The following HERC2 variants were observed in gnomAD, a reference collection of about 807,000 sequenced individuals.
HERC2 encodes HECT and RLD domain containing E3 ubiquitin protein ligase 2, also known as E3 ubiquitin-protein ligase HERC2.
In HERC2, 102 loss-of-function variants were observed where a neutral mutation model predicts 537.7. That is an observed-to-expected ratio of 0.19 (90% CI 0.16 to 0.22). The LOEUF (loss-of-function observed/expected upper bound fraction) is 0.22, where lower values mean the gene tolerates loss of function less well. Ranked by LOEUF, HERC2 falls within the 10% of genes least tolerant of loss-of-function variation. The probability of loss-of-function intolerance (pLI) is 1.00; values close to 1 mark genes in which losing one functional copy is unlikely to be tolerated. For synonymous variants in HERC2, 2,224 were observed against 2,466.2 expected, an observed-to-expected ratio of 0.90 and a Z score of 2.91; for missense variants, 4,236 against 6,198.2, an observed-to-expected ratio of 0.68 and a Z score of 10.63.
chr15:28,287,843 C>T (rs1407432188), intron 4 of HERC2, among the ~76,000 whole-genome samples: 13 of 151,156 alleles, frequency 8.6e-5, no homozygotes, highest in Admixed American at 4.0e-4. Flanking sequence ...CCTGCCTGAG[C>T]TTCCCGAGTA....
chr15:28,206,832 CAAAAAAAA>C (rs71132838), intron 44 of HERC2, among the ~76,000 whole-genome samples: 20 of 51,448 alleles, frequency 3.9e-4, no homozygotes, highest in Non-Finnish European at 5.0e-4. Context: ...GACTCGGTCT[CAAAAAAAA>C]AAAAAAAAAA....
At position 28,275,022 on chromosome 15, in the gene HERC2, C is replaced by G. The variant is rs376124795; in HGVS notation, c.543-17G>C. On this transcript the variant is annotated splice_polypyrimidine_tract_variant and intron_variant, in intron 5 of 92. Transcript: ENST00000261609. Reference sequence around the variant, plus strand: ...GGCCGGGAACTGCAGACGACACACACGGAACATACAACCAGTCAGCAGCAG... The same window carrying G: ...GGCCGGGAACTGCAGACGACACACAGGGAACATACAACCAGTCAGCAGCAG... 6.5e-7 allele frequency: 1 copy of G among 1,548,492 alleles called. No homozygotes were observed. Among genetic ancestry groups the G allele is most frequent in the South Asian group, 1.1e-5 (1 of 89,922 alleles).
chr15:28,314,047 CTCT>C, intron 2 of HERC2, among the ~76,000 whole-genome samples: 1 of 152,172 alleles, frequency 6.6e-6, no homozygotes, highest in South Asian at 2.1e-4. Context: ...GTTTCGCATT[CTCT>C]CAATTTCCAA....
chr15:28,276,303 C>T (rs2075872699), intron 5 of HERC2, among the ~76,000 whole-genome samples: 1 of 150,364 alleles, frequency 6.7e-6, no homozygotes, highest in African/African-American at 2.5e-5. Context: ...GGCAACAGTA[C>T]ACGCTTATCC....
intron 14 of HERC2, among the ~76,000 whole-genome samples, chr15:28,263,734 A>T (rs1412261654): frequency 6.6e-6 from 1 of 152,206 alleles, no homozygotes; most frequent in South Asian, 2.1e-4. Context: ...TGAATTGCTA[A>T]AAAACAGAAT....
chr15:28,295,946 G>A (rs1389774166), intron 3 of HERC2, among the ~76,000 whole-genome samples: 1 of 151,822 alleles, frequency 6.6e-6, no homozygotes. Context: ...GCCCTTTACA[G>A]AAAGTAGGCC....
At chr15:28,295,664 C>A (rs1444136634) in intron 3 of HERC2, among the ~76,000 whole-genome samples, 1 of 152,128 alleles carries the variant, frequency 6.6e-6, no homozygotes, top group Non-Finnish European at 1.5e-5. Flanking sequence ...TCCAAAAGTG[C>A]TGGGATTACA....
chr15:28,148,699 AACCGAGAACATC>A (rs572114373), intron 70 of HERC2, among the ~76,000 whole-genome samples: 259 of 152,104 alleles, frequency 1.7e-3, no homozygotes, highest in Admixed American at 4.2e-3. Flanking sequence ...TGCGGCTTCT[AACCGAGAACATC>A]ACCGAGAACG....
chr15:28,298,648 T>C (rs536430313), intron 3 of HERC2: 2 of 151,474 alleles, frequency 1.3e-5, no homozygotes, highest in African/African-American at 2.4e-5. Context: ...TACAAAAAAT[T>C]AGCCGGGCGT....
chr15:28,239,008 A>C (rs1200577556), intron 23 of HERC2, among the ~76,000 whole-genome samples: 1 of 152,260 alleles, frequency 6.6e-6, no homozygotes, highest in African/African-American at 2.4e-5. Flanking sequence ...GCCACAGAGC[A>C]AATCTCAACA....
At chr15:28,287,851 G>T (rs2076202013) in intron 4 of HERC2, among the ~76,000 whole-genome samples, 1 of 151,404 alleles carries the variant, frequency 6.6e-6, no homozygotes, top group Non-Finnish European at 1.5e-5. Flanking sequence ...AGCTTCCCGA[G>T]TAGCTGGGAC....
intron 44 of HERC2, among the ~76,000 whole-genome samples, chr15:28,209,541 C>T (rs1181094802): frequency 1.3e-5 from 2 of 152,110 alleles, no homozygotes; most frequent in African/African-American, 4.8e-5. Flanking sequence ...GATGGAGTTT[C>T]ACCGTGTTAG....
At chr15:28,199,967 TC>T (rs981193484) in intron 48 of HERC2, among the ~76,000 whole-genome samples, 1 of 151,418 alleles carries the variant, frequency 6.6e-6, no homozygotes, top group Non-Finnish European at 1.5e-5. Flanking sequence ...AATGTTTGTG[TC>T]CCCCCCACCA....
chr15:28,295,974 G>C (rs2076458625), intron 3 of HERC2, among the ~76,000 whole-genome samples: 1 of 150,916 alleles, frequency 6.6e-6, no homozygotes, highest in Admixed American at 6.6e-5. Flanking sequence ...CCCTACATCT[G>C]GCTATAAATT....
At chr15:28,256,505 C>CT (rs1400616821) in intron 17 of HERC2, among the ~76,000 whole-genome samples, 188 bp from the exon 18 acceptor site, 2 of 152,118 alleles carry the variant, frequency 1.3e-5, no homozygotes, top group Non-Finnish European at 2.9e-5. Context: ...CTAGAGGAAT[C>CT]TTTTTAACCC....
intron 20 of HERC2, among the ~76,000 whole-genome samples, chr15:28,249,762 T>C (rs1904093870): frequency 6.6e-6 from 1 of 151,366 alleles, no homozygotes; most frequent in Non-Finnish European, 1.5e-5. Context: ...TTCTCCTGCC[T>C]CAGCCTCCCG....
chr15:28,296,946 A>G lies in HERC2; in HGVS notation c.187+2456T>C, dbSNP rs752946625. ...CAAGGCAGTGGAAGCCAGTGATGCAACTGCTCTCTCGTTAAAAGGTGTGGT... is the reference window on the plus strand; with the variant it reads ...CAAGGCAGTGGAAGCCAGTGATGCAGCTGCTCTCTCGTTAAAAGGTGTGGT... On this transcript the variant is annotated intron_variant, in intron 3 of 92. Transcript: ENST00000261609. Among the ~76,000 whole-genome samples the G allele has an allele frequency of 1.3e-4, 20 of 152,118 alleles. 1 individual carries two copies. Among genetic ancestry groups the G allele is most frequent in the Admixed American group, 1.2e-3 (19 of 15,264 alleles).
rs756516769 is a variant in HERC2 at position 28,191,205 on chromosome 15, G to A, written c.8491C>T (p.His2831Tyr). The A allele has an allele frequency of 1.2e-6, 2 of 1,613,746 alleles. No individual in the cohort carries two copies. The highest frequency in any genetic ancestry group is 3.3e-5 in the Admixed American group (2 of 59,982). ...GGATCTACGATCATTTTTAATCTATGAACAAGAACATCTGGGAAAATCTCC... is the reference window on the plus strand; with the variant it reads ...GGATCTACGATCATTTTTAATCTATAAACAAGAACATCTGGGAAAATCTCC... ...RLEIFPDVLVHRLKMIVDPAD... is the reference protein window; with the variant it reads ...RLEIFPDVLVYRLKMIVDPAD... Residue 2831 changes from histidine (H) to tyrosine (Y), a missense_variant, in exon 54 of 93, where the codon CAT becomes TAT. By Grantham distance (83) the His-to-Tyr change is moderately conservative. Around this residue, in one of 27 missense-constraint regions of HERC2, gnomAD observed 606 missense variants for 884.5 expected, o/e 0.69. Transcript: ENST00000261609.
chr15:28,295,777 C>T (rs1190922227), intron 3 of HERC2, among the ~76,000 whole-genome samples: 1 of 152,086 alleles, frequency 6.6e-6, no homozygotes, highest in Admixed American at 6.6e-5. Context: ...ATTCTGTGGA[C>T]TTCATCTTTT....
Sources: allele counts gnomAD v4.1 joint callset (sites outside exome capture counted in the v4.1 genomes callset), GRCh38; gene constraint gnomAD v4.1.1; regional missense constraint gnomAD v4.1.1; transcripts MANE v1.5; gene names NCBI Gene and HGNC (gene_info 2026-07-23, HGNC 2026-07-21).